NCBP3: variants seen among roughly 807,000 people sequenced by gnomAD.
NCBP3 encodes nuclear cap binding subunit 3, also known as nuclear cap-binding protein subunit 3.
NCBP3 carries 20 observed loss-of-function variants against 75.7 expected under a neutral mutation model. The observed-to-expected ratio is 0.26, with a 90% CI of 0.19 to 0.38. The LOEUF is 0.38. NCBP3 is among the 10% of genes least tolerant of loss of function. The pLI is 1.00. For missense variants in NCBP3, 678 were observed against 796.9 expected (o/e 0.85, Z 1.80); for synonymous variants, 293 against 290.5 (o/e 1.01, Z -0.09).
intron 1 of NCBP3, among the ~76,000 whole-genome samples, chr17:3,843,920 T>C (rs1189815977): frequency 6.6e-6 from 1 of 152,098 alleles, no homozygotes; most frequent in South Asian, 2.1e-4. Flanking sequence ...AGAAGCCCCA[T>C]CCTAGTGATT....
At chr17:3,841,677 A>T (rs2054065817) in intron 2 of NCBP3, among the ~76,000 whole-genome samples, 2 of 148,736 alleles carry the variant, frequency 1.3e-5, no homozygotes, top group Admixed American at 1.3e-4. Flanking sequence ...GATAAACCAT[A>T]AAAAGGTTAG....
rs2053590890 is a variant in NCBP3 at position 3,818,389 on chromosome 17, C to T, written c.1184G>A (p.Ser395Asn). The T allele has an allele frequency of 6.2e-7, 1 of 1,614,174 alleles. No homozygotes were observed. Among genetic ancestry groups the T allele is most frequent in the Non-Finnish European group, 8.5e-7 (1 of 1,180,032 alleles). ...ERSASRRSSA[S>N]SSDSDEMDYD... ...GTCCATTTCATCTGAGTCTGAGCTGCTGGCACTGGATCGTCTAGACGCGCT... is the reference window on the plus strand; with the variant it reads ...GTCCATTTCATCTGAGTCTGAGCTGTTGGCACTGGATCGTCTAGACGCGCT... The change falls in exon 10 of 13, where the codon AGC becomes AAC. Residue 395 changes from serine to asparagine, a missense_variant. Physicochemically the swap from Ser to Asn is conservative, Grantham distance 46 (BLOSUM62 1). Around this residue, in one of 7 missense-constraint regions of NCBP3, gnomAD observed 365 missense variants for 392.7 expected, o/e 0.93. Transcript: ENST00000389005. This position sits in a 1 kb window ranked among gnomAD's most constrained non-coding sequence, Gnocchi z 4.7.
At chr17:3,826,361 T>A in intron 4 of NCBP3, 146 bp from the exon 5 acceptor site, 2 of 810,580 alleles carry the variant, frequency 2.5e-6, no homozygotes, top group Non-Finnish European at 3.7e-6. Context: ...TGAAGAGAAA[T>A]ATAGACCAGG....
chr17:3,817,966 T>TACACACACACAC (rs61462832), intron 10 of NCBP3, among the ~76,000 whole-genome samples: 46 of 149,032 alleles, frequency 3.1e-4, no homozygotes, highest in African/African-American at 1.1e-3. Context: ...CCCTGTGCCA[T>TACACACACACAC]ACACACACAC....
In NCBP3 at chr17:3,817,647, C is replaced by G. The variant is rs368840359; in HGVS notation, c.1310+616G>C. 7.2e-5 allele frequency among the ~76,000 whole-genome samples: 11 copies of G among 151,930 alleles called. No individual in the cohort carries two copies. In the East Asian group the frequency reaches 1.7e-3, roughly 24 times the overall value. Reference sequence around the variant, plus strand: ...CCGTCTCAAAAAAAAAATAAAAACACACAAAAAACCCTTCTGGAAAAAAAT... The same window carrying G: ...CCGTCTCAAAAAAAAAATAAAAACAGACAAAAAACCCTTCTGGAAAAAAAT... On this transcript the variant is annotated intron_variant, in intron 10 of 12. Transcript: ENST00000389005.
intron 7 of NCBP3, chr17:3,824,336 A>G (rs2053730360): frequency 6.7e-6 from 1 of 148,982 alleles, no homozygotes; most frequent in African/African-American, 2.6e-5. Flanking sequence ...ATACATACAT[A>G]CATACATACA....
chr17:3,832,334 T>C (rs2053891955), intron 3 of NCBP3, among the ~76,000 whole-genome samples: 1 of 119,942 alleles, frequency 8.3e-6, no homozygotes, highest in Non-Finnish European at 2.0e-5. Context: ...AAAATAATAA[T>C]GTAAAAAAGA....
intron 11 of NCBP3, 46 bp from the exon 12 acceptor site, chr17:3,814,529 T>C: frequency 6.2e-6 from 10 of 1,603,448 alleles, no homozygotes; most frequent in Non-Finnish European, 8.5e-6. Flanking sequence ...GTGTGCTTTA[T>C]GCTCGGCACC....
Position 3,832,210 on chromosome 17 carries a change from G to A in NCBP3, c.356-2842C>T, listed in dbSNP as rs2143690735. 1.8e-5 allele frequency among the ~76,000 whole-genome samples: 2 copies of A among 113,838 alleles called. 1 individual carries two copies. The highest frequency in any genetic ancestry group is 6.5e-4 in the South Asian group (2 of 3,088). 74.7% of individuals were successfully genotyped at this position (113,838 alleles called of 152,430 possible). A position where few individuals can be genotyped will look rare whatever the true frequency, so the allele number is the denominator to read the frequency against. On this transcript the variant is annotated intron_variant, in intron 3 of 12. Coordinates refer to ENST00000389005, the MANE Select transcript of NCBP3 (RefSeq NM_001114118.3). ...AAAAAAAAAAAAAAAAAAAGAGGATGGATACCCCATTCTCCATGATGCGCT... is the reference window on the plus strand; with the variant it reads ...AAAAAAAAAAAAAAAAAAAGAGGATAGATACCCCATTCTCCATGATGCGCT...
chr17:3,806,678 C>T lies in NCBP3; in HGVS notation c.*6366G>A, dbSNP rs1006589264. The T allele has an allele frequency of 6.7e-6, 1 of 149,266 alleles. No homozygotes were observed. The highest frequency in any genetic ancestry group is 1.5e-5 in the Non-Finnish European group (1 of 67,674). 9.2% of individuals were successfully genotyped at this position (149,266 alleles called of 1,614,324 possible). A position where few individuals can be genotyped will look rare whatever the true frequency, so the allele number is the denominator to read the frequency against. On this transcript the variant is annotated 3_prime_UTR_variant, in exon 13 of 13. Coordinates refer to ENST00000389005, the MANE Select transcript of NCBP3 (RefSeq NM_001114118.3). ...TGAAGCAGCATTTCCCTAACTACTC[C>T]CAGGAACAAAGTTCTGTGAAATGTT...
rs377149279 is a variant in NCBP3 at position 3,806,086 on chromosome 17, CT to C, written c.*6957del. 6 of 148,500 alleles carry C rather than the reference CT, an allele frequency of 4.0e-5. No homozygotes were observed. Among genetic ancestry groups the C allele is most frequent in the Admixed American group, 6.7e-5 (1 of 14,844 alleles). 9.2% of individuals were successfully genotyped at this position (148,500 alleles called of 1,614,324 possible). ...AGGGACAGGAAGGTGAGAATCCTTT[CT>C]TTTTTTTTTGAGACGGAGTCTCGCT... On this transcript the variant is annotated 3_prime_UTR_variant, in exon 13 of 13. Coordinates refer to ENST00000389005, the MANE Select transcript of NCBP3 (RefSeq NM_001114118.3).
chr17:3,816,178 T>A lies in NCBP3; in HGVS notation c.1403A>T (p.His468Leu). 3.7e-6 allele frequency: 6 copies of A among 1,614,250 alleles called. No homozygotes were observed. Among genetic ancestry groups the A allele is most frequent in the Non-Finnish European group, 5.1e-6 (6 of 1,180,042 alleles). The change falls in exon 11 of 13, where the codon CAT becomes CTT. Residue 468 changes from histidine (H) to leucine (L), a missense_variant. This residue lies in a region of NCBP3 where 365 missense variants were observed against 392.7 expected (regional missense o/e 0.93). Coordinates refer to ENST00000389005, the MANE Select transcript of NCBP3 (RefSeq NM_001114118.3). ...GTGCTGACGTTTCTCATCTAATAGA[T>A]GTCGGACATCTGCAAATTTCTCAGG... ...LPPEKFADVR[H>L]LLDEKRQHSR...
Position 3,809,739 on chromosome 17 carries a change from T to A in NCBP3, c.*3305A>T, listed in dbSNP as rs1234557096. The A allele has an allele frequency of 6.6e-6, 1 of 151,796 alleles. No homozygotes were observed. The highest frequency in any genetic ancestry group is 2.1e-4 in the South Asian group (1 of 4,816). The allele number at this position is 151,796 out of a possible 1,614,324, so 9.4% of individuals were successfully genotyped here. A position where few individuals can be genotyped will look rare whatever the true frequency, so the allele number is the denominator to read the frequency against. On this transcript the variant is annotated 3_prime_UTR_variant, in exon 13 of 13. Coordinates refer to ENST00000389005, the MANE Select transcript of NCBP3 (RefSeq NM_001114118.3). The stretch of plus-strand genomic sequence containing the variant: ...AATAATAGAAATAGAAATATATATA[T>A]ATAGCCCTAAAGTAGAAACAACTCA...
At chr17:3,831,023 C>T (rs1450545109) in intron 3 of NCBP3, among the ~76,000 whole-genome samples, 2 of 151,606 alleles carry the variant, frequency 1.3e-5, no homozygotes, top group African/African-American at 2.4e-5. Context: ...GCTATTCTCC[C>T]GTCTAAGCCT....
In NCBP3 at chr17:3,816,126, A is replaced by G. The variant is rs768229337; in HGVS notation, c.1455T>C (p.Ser485=). The G allele has an allele frequency of 6.2e-7, 1 of 1,613,912 alleles. No individual in the cohort carries two copies. The highest frequency in any genetic ancestry group is 8.5e-7 in the Non-Finnish European group (1 of 1,179,870). ...QHSRPRPPVS[S]TKSDIRQRLG... is the part of the protein sequence containing the mutation. ...AGTGAGGAACAGTACCTGATTTAGTACTGCTGACTGGTGGCCGTGGACGGG... is the reference window on the plus strand; with the variant it reads ...AGTGAGGAACAGTACCTGATTTAGTGCTGCTGACTGGTGGCCGTGGACGGG... Residue 485 remains serine (S), a synonymous_variant, in exon 11 of 13, where the codon AGT becomes AGC. Transcript: ENST00000389005.
chr17:3,817,110 ATACTACGT>A (rs2053548921), intron 10 of NCBP3, among the ~76,000 whole-genome samples: 3 of 152,098 alleles, frequency 2.0e-5, no homozygotes, highest in African/African-American at 7.2e-5. Context: ...CCCCACAAAC[ATACTACGT>A]TACACAGAGC....
At chr17:3,820,243 C>T (rs998309965) in intron 9 of NCBP3, among the ~76,000 whole-genome samples, 1 of 152,150 alleles carries the variant, frequency 6.6e-6, no homozygotes, top group Non-Finnish European at 1.5e-5. Context: ...AGCCACTGTT[C>T]CCATCCTATG....
intron 3 of NCBP3, among the ~76,000 whole-genome samples, chr17:3,834,127 T>C (rs2053934720): frequency 6.6e-6 from 1 of 152,186 alleles, no homozygotes; most frequent in South Asian, 2.1e-4. Flanking sequence ...TAGCGAATTT[T>C]AGGTGAGCAC....
At chr17:3,836,585 G>A (rs550083611) in intron 3 of NCBP3, among the ~76,000 whole-genome samples, 199 of 151,256 alleles carry the variant, frequency 1.3e-3, no homozygotes, top group African/African-American at 4.7e-3. Flanking sequence ...CCCAGGAGGC[G>A]GAGGTTATAG....
Sources: gnomAD v4.1 joint callset for allele counts (sites outside exome capture counted in the v4.1 genomes callset) on GRCh38, gnomAD v4.1.1 for gene constraint, gnomAD v4.1.1 regional missense constraint, Gnocchi (gnomAD v3.1) non-coding constraint, MANE v1.5 for transcripts, NCBI Gene and HGNC (gene_info 2026-07-23, HGNC 2026-07-21) for gene names.